The following MRPS6 variants were observed in gnomAD, a reference collection of about 807,000 sequenced individuals.
MRPS6 encodes the protein small ribosomal subunit protein bS6m.
Under a neutral mutation model 13.1 loss-of-function variants are expected in MRPS6, and 6 were observed. That is an observed-to-expected ratio of 0.46 (90% CI 0.25 to 0.91). The LOEUF is 0.91. Ranked by LOEUF, MRPS6 falls within the 40% of genes least tolerant of loss-of-function variation. The probability of loss-of-function intolerance (pLI) is 0.18; values close to 1 mark genes in which losing one functional copy is unlikely to be tolerated. For synonymous variants in MRPS6, 61 were observed against 56.5 expected (o/e 1.08, Z -0.36); for missense variants, 164 against 155.6 (o/e 1.05, Z -0.29).
rs778549193 is a variant in MRPS6 at position 34,098,019 on chromosome 21, T to C, written c.45+24274T>C. The C allele has an allele frequency of 7.2e-5, 72 of 999,148 alleles. 1 individual carries two copies. In the Admixed American group the frequency reaches 1.7e-3, roughly 24 times the overall value. The allele number at this position is 999,148 out of a possible 1,614,324, so 61.9% of individuals were successfully genotyped here. On this transcript the variant is annotated intron_variant, in intron 1 of 2. Coordinates refer to ENST00000399312, the MANE Select transcript of MRPS6 (RefSeq NM_032476.4). ...TTTTTTTTTTCTTTCTACTTTCAAG[T>C]TTAAGTGAACCATACTGAAATGACC...
At chr21:34,130,454 G>T (rs1451213676) in intron 2 of MRPS6, among the ~76,000 whole-genome samples, 1 of 152,140 alleles carries the variant, frequency 6.6e-6, no homozygotes, top group African/African-American at 2.4e-5. Context: ...AGAGCTGCTG[G>T]CTCTCTTACA....
At chr21:34,099,947 C>T (rs905734902) in intron 1 of MRPS6, 2 of 416,314 alleles carry the variant, frequency 4.8e-6, no homozygotes, top group Non-Finnish European at 6.7e-6. Context: ...AGTCTTCAAT[C>T]TATATTTCAT....
At chr21:34,113,624 A>G (rs1243322730) in intron 1 of MRPS6, among the ~76,000 whole-genome samples, 2 of 152,162 alleles carry the variant, frequency 1.3e-5, no homozygotes, top group African/African-American at 4.8e-5. Flanking sequence ...CACCACTTGA[A>G]TTTAAGCATC....
In MRPS6 at chr21:34,125,402, T is replaced by C. The variant is rs201698973; in HGVS notation, c.107T>C (p.Val36Ala). The C allele has an allele frequency of 6.2e-7, 1 of 1,614,060 alleles. No individual in the cohort carries two copies. Among genetic ancestry groups the C allele is most frequent in the Non-Finnish European group, 8.5e-7 (1 of 1,179,954 alleles). Residue 36 changes from valine to alanine, a missense_variant, in exon 2 of 3, where the codon GTG becomes GCG. Val to Ala is a moderately conservative substitution (Grantham distance 64). Transcript: ENST00000399312. Reference protein sequence around the residue: ...IEALMDRGAIVRDLENLGERA... With the variant: ...IEALMDRGAIARDLENLGERA... ...GCCCTGATGGACAGAGGAGCAATAG[T>C]GAGGGACTTGGAAAACCTGGGTGAA... is the stretch of plus-strand genomic sequence containing the variant.
rs12627512 is a variant in MRPS6 at position 34,135,494 on chromosome 21, A to T, written c.186-6914A>T. On this transcript the variant is annotated intron_variant, in intron 2 of 2. Transcript: ENST00000399312. ...TTCTTCTTGATGGCAAAGGAGTTGG[A>T]GGAGCCCTTGGTGGCAGTGATGAGC... 3.8e-3 allele frequency: 1,932 copies of T among 505,102 alleles called. 81 individuals carry two copies. The East Asian group carries it at 0.085, about 22-fold the overall frequency. 31.3% of individuals were successfully genotyped at this position (505,102 alleles called of 1,614,324 possible).
At chr21:34,123,988 C>A (rs547366246) in intron 1 of MRPS6, 1 of 152,232 alleles carries the variant, frequency 6.6e-6, no homozygotes, top group Non-Finnish European at 1.5e-5. Context: ...TTGTTAGCCC[C>A]TAAATGTTTG....
chr21:34,119,485 T>C (rs1980045988), intron 1 of MRPS6, among the ~76,000 whole-genome samples: 1 of 152,264 alleles, frequency 6.6e-6, no homozygotes, highest in South Asian at 2.1e-4. Context: ...GACTTTTACA[T>C]GTACATTTTC....
At chr21:34,141,335 G>C (rs1173577462) in intron 2 of MRPS6, among the ~76,000 whole-genome samples, 1 of 152,218 alleles carries the variant, frequency 6.6e-6, no homozygotes, top group African/African-American at 2.4e-5. Context: ...GGGCAATGGA[G>C]AGTGAGGGGC....
intron 2 of MRPS6, among the ~76,000 whole-genome samples, chr21:34,139,453 T>G (rs1980831209): frequency 6.6e-6 from 1 of 152,188 alleles, no homozygotes; most frequent in Non-Finnish European, 1.5e-5. Context: ...ATATAGGGCT[T>G]AAGGGTTTAA....
chr21:34,139,121 G>C (rs1980812445), intron 2 of MRPS6, among the ~76,000 whole-genome samples: 1 of 145,824 alleles, frequency 6.9e-6, no homozygotes, highest in East Asian at 2.1e-4. Flanking sequence ...TCACTCATAG[G>C]TGGGAATTGA....
chr21:34,111,451 C>T (rs1376475032), intron 1 of MRPS6, among the ~76,000 whole-genome samples: 2 of 152,168 alleles, frequency 1.3e-5, no homozygotes, highest in Admixed American at 6.5e-5. Context: ...GAAGTGTTAT[C>T]CCCTCCCCCA....
chr21:34,075,168 T>C (rs980616504), intron 1 of MRPS6, among the ~76,000 whole-genome samples: 3 of 152,180 alleles, frequency 2.0e-5, no homozygotes, highest in South Asian at 4.1e-4. Context: ...TCAACTTACG[T>C]GTTTTAGGGA....
In MRPS6 at chr21:34,142,691, A is replaced by G; in HGVS notation, c.*91A>G. Reference sequence around the variant, plus strand: ...AAGAATTTGCAAGTTTGGCCTTTATATAAGCATGTGTTGCAGGTGCTGTTT... The same window carrying G: ...AAGAATTTGCAAGTTTGGCCTTTATGTAAGCATGTGTTGCAGGTGCTGTTT... On this transcript the variant is annotated 3_prime_UTR_variant, in exon 3 of 3. Transcript: ENST00000399312. 1 of 1,396,754 alleles carries G rather than the reference A, an allele frequency of 7.2e-7. No homozygotes were observed. The highest frequency in any genetic ancestry group is 9.4e-7 in the Non-Finnish European group (1 of 1,067,300). The allele number at this position is 1,396,754 out of a possible 1,614,324, so 86.5% of individuals were successfully genotyped here.
In MRPS6 at chr21:34,129,359, T is replaced by G. The variant is rs564744158; in HGVS notation, c.185+3879T>G. On this transcript the variant is annotated intron_variant, in intron 2 of 2. Transcript: ENST00000399312. ...TATTTCAGCGTTGGGCTTGTGCTGCTTTGTAAAAGGATGCCTCTGCTCTGT... is the reference window on the plus strand; with the variant it reads ...TATTTCAGCGTTGGGCTTGTGCTGCGTTGTAAAAGGATGCCTCTGCTCTGT... 6.6e-5 allele frequency among the ~76,000 whole-genome samples: 10 copies of G among 152,304 alleles called. No homozygotes were observed. In the East Asian group the frequency reaches 1.5e-3, roughly 24 times the overall value.
chr21:34,097,168 T>A, intron 1 of MRPS6: 1 of 1,614,070 alleles, frequency 6.2e-7, no homozygotes, highest in Middle Eastern at 1.7e-4. Context: ...TACTGGAAGT[T>A]CATAGACTGG....
intron 1 of MRPS6, 167 bp from the exon 2 acceptor site, chr21:34,125,170 TTCTC>T (rs1231633384): frequency 2.0e-6 from 2 of 1,013,956 alleles, no homozygotes; most frequent in Non-Finnish European, 1.4e-6. Context: ...TTACAATAAA[TTCTC>T]TCTCTCTTTT....
chr21:34,074,072 C>T (rs1989259495), intron 1 of MRPS6, among the ~76,000 whole-genome samples: 1 of 145,388 alleles, frequency 6.9e-6, no homozygotes, highest in Non-Finnish European at 1.5e-5. Flanking sequence ...CGCGGGAGTC[C>T]AGTGGAAGGT....
chr21:34,101,329 A>T, intron 1 of MRPS6: 1 of 1,000,212 alleles, frequency 1.0e-6, no homozygotes, highest in Non-Finnish European at 1.2e-6. Flanking sequence ...TCAGCTTTTT[A>T]AACCCTGGTT....
intron 1 of MRPS6, chr21:34,097,656 T>C (rs748698895): frequency 7.7e-5 from 83 of 1,080,194 alleles, no homozygotes; most frequent in Non-Finnish European, 9.2e-5. Context: ...GAATATATGT[T>C]AAGTTACCAT....
Sources: gnomAD v4.1 joint callset for allele counts (sites outside exome capture counted in the v4.1 genomes callset) on GRCh38, gnomAD v4.1.1 for gene constraint, MANE v1.5 for transcripts, NCBI Gene and HGNC (gene_info 2026-07-23, HGNC 2026-07-21) for gene names.